Variants in UBE2E2 observed in about 807,000 individuals in gnomAD.
UBE2E2 encodes the protein ubiquitin conjugating enzyme E2 E2.
UBE2E2 carries 6 observed loss-of-function variants against 24.7 expected under a neutral mutation model. That is an observed-to-expected ratio of 0.24 (90% CI 0.13 to 0.48). The LOEUF is 0.48. Ranked by LOEUF, UBE2E2 falls within the 20% of genes least tolerant of loss-of-function variation. The pLI is 0.99. For synonymous variants in UBE2E2, 104 were observed against 83.6 expected (o/e 1.24, Z -1.33); for missense variants, 169 against 245.0 (o/e 0.69, Z 2.07).
intron 3 of UBE2E2, among the ~76,000 whole-genome samples, chr3:23,443,803 A>G (rs915049911): frequency 6.6e-6 from 1 of 152,226 alleles, no homozygotes; most frequent in Admixed American, 6.5e-5. Context: ...TTCAGGCTCT[A>G]CATTATACGT....
chr3:23,268,815 A>G (rs1304658744), intron 3 of UBE2E2, among the ~76,000 whole-genome samples: 2 of 151,622 alleles, frequency 1.3e-5, no homozygotes, highest in African/African-American at 2.4e-5. Flanking sequence ...CTACAAGGCT[A>G]CAGTAACCAA....
chr3:23,584,036 A>G (rs2125520569), intron 5 of UBE2E2, among the ~76,000 whole-genome samples: 1 of 152,310 alleles, frequency 6.6e-6, no homozygotes, highest in African/African-American at 2.4e-5. Flanking sequence ...CTCATTTAGT[A>G]TGATGTTGGC....
chr3:23,368,181 AT>A (rs938588815), intron 3 of UBE2E2, among the ~76,000 whole-genome samples: 2 of 152,168 alleles, frequency 1.3e-5, no homozygotes, highest in Non-Finnish European at 2.9e-5. Flanking sequence ...TATATTATGT[AT>A]AGTTCTCACT....
At chr3:23,274,494 T>C (rs1698330635) in intron 3 of UBE2E2, among the ~76,000 whole-genome samples, 1 of 151,946 alleles carries the variant, frequency 6.6e-6, no homozygotes, top group Non-Finnish European at 1.5e-5. Context: ...TACCTGGGAC[T>C]GTAGGCGCGC....
chr3:23,214,907 G>C (rs1450883345), intron 2 of UBE2E2, among the ~76,000 whole-genome samples: 5 of 151,684 alleles, frequency 3.3e-5, no homozygotes, highest in Non-Finnish European at 5.9e-5. Context: ...TTGGTTTTCT[G>C]TACAACTCTT....
chr3:23,458,329 G>T (rs1201389400), intron 3 of UBE2E2, among the ~76,000 whole-genome samples: 1 of 138,652 alleles, frequency 7.2e-6, no homozygotes, highest in Non-Finnish European at 1.5e-5. Context: ...CTATGGGTGT[G>T]GTTCATGGTG....
At chr3:23,584,903 A>G (rs967432359) in intron 5 of UBE2E2, among the ~76,000 whole-genome samples, 2 of 152,086 alleles carry the variant, frequency 1.3e-5, no homozygotes, top group East Asian at 1.9e-4. Context: ...CTTGCAAATA[A>G]TAGTGATTGT....
chr3:23,376,034 C>A (rs1372627227), intron 3 of UBE2E2, among the ~76,000 whole-genome samples: 1 of 152,032 alleles, frequency 6.6e-6, no homozygotes, highest in East Asian at 1.9e-4. Context: ...CATACATAAT[C>A]CAAACAATTT....
chr3:23,340,490 C>G (rs1695350247), intron 3 of UBE2E2, among the ~76,000 whole-genome samples: 1 of 152,000 alleles, frequency 6.6e-6, no homozygotes, highest in Admixed American at 6.6e-5. Context: ...ACAGTCACAC[C>G]TAATCCTTTA....
chr3:23,410,522 C>T (rs769770535), intron 3 of UBE2E2, among the ~76,000 whole-genome samples: 2 of 152,044 alleles, frequency 1.3e-5, no homozygotes, highest in African/African-American at 4.8e-5. Context: ...ATAAGCCTTG[C>T]AGTTTATTAT....
chr3:23,571,280 C>CTTTGTTTTTTTTTTTTTTTTT (rs1696218039), intron 5 of UBE2E2, among the ~76,000 whole-genome samples: 1 of 29,866 alleles, frequency 3.3e-5, no homozygotes, highest in African/African-American at 1.0e-4. Context: ...GTGCTCCTTT[C>CTTTGTTTTTTTTTTTTTTTTT]TTTTTTTTTT....
chr3:23,397,770 G>A (rs952722159), intron 3 of UBE2E2, among the ~76,000 whole-genome samples: 1 of 152,092 alleles, frequency 6.6e-6, no homozygotes, highest in Non-Finnish European at 1.5e-5. Flanking sequence ...CTATTTCACT[G>A]TTGGTGAACA....
chr3:23,548,501 G>A (rs756833092), intron 5 of UBE2E2, among the ~76,000 whole-genome samples: 1 of 152,164 alleles, frequency 6.6e-6, no homozygotes, highest in Non-Finnish European at 1.5e-5. Context: ...TCACTAAGAT[G>A]GAGCCAATGG....
At chr3:23,445,374 A>G (rs756290648) in intron 3 of UBE2E2, among the ~76,000 whole-genome samples, 5 of 152,128 alleles carry the variant, frequency 3.3e-5, no homozygotes, top group African/African-American at 9.7e-5. Context: ...TTATCACATC[A>G]TCTTTCACTG....
At chr3:23,358,601 T>C (rs1464978296) in intron 3 of UBE2E2, among the ~76,000 whole-genome samples, 1 of 152,248 alleles carries the variant, frequency 6.6e-6, no homozygotes, top group African/African-American at 2.4e-5. Flanking sequence ...TAAATTCATA[T>C]ACTGGTCTAC....
chr3:23,357,619 T>A (rs1015331638), intron 3 of UBE2E2, among the ~76,000 whole-genome samples: 2 of 152,070 alleles, frequency 1.3e-5, no homozygotes, highest in Non-Finnish European at 2.9e-5. Flanking sequence ...ATCCATTAAT[T>A]CTCTATGGGA....
chr3:23,442,406 T>A (rs1308092687), intron 3 of UBE2E2, among the ~76,000 whole-genome samples: 1 of 151,252 alleles, frequency 6.6e-6, no homozygotes, highest in Non-Finnish European at 1.5e-5. Context: ...TGATATTTCA[T>A]ACCTTAATCT....
intron 3 of UBE2E2, among the ~76,000 whole-genome samples, chr3:23,284,491 C>G (rs1698564349): frequency 6.6e-6 from 1 of 151,858 alleles, no homozygotes; most frequent in Non-Finnish European, 1.5e-5. Flanking sequence ...GGAAGTGTGT[C>G]CTGGGCCGCA....
intron 3 of UBE2E2, among the ~76,000 whole-genome samples, chr3:23,355,415 A>C (rs979367808): frequency 2.6e-5 from 4 of 152,146 alleles, no homozygotes; most frequent in African/African-American, 9.7e-5. Flanking sequence ...TTCCTCTTAT[A>C]TCCAAATGCC....
Sources: gnomAD v4.1 joint callset for allele counts (sites outside exome capture counted in the v4.1 genomes callset) on GRCh38, gnomAD v4.1.1 for gene constraint, MANE v1.5 for transcripts, NCBI Gene and HGNC (gene_info 2026-07-23, HGNC 2026-07-21) for gene names.